Variants in NCAM2 observed in about 807,000 individuals in gnomAD.
NCAM2 encodes neural cell adhesion molecule 2, also known as N-CAM-2.
NCAM2 carries 30 observed loss-of-function variants against 98.1 expected under a neutral mutation model. The ratio of observed to expected loss-of-function variants is 0.31; its 90% CI spans 0.23 to 0.41. NCAM2 has a LOEUF of 0.41. Ranked by LOEUF, NCAM2 falls within the 10% of genes least tolerant of loss-of-function variation. The pLI, the probability that NCAM2 is intolerant of heterozygous loss-of-function variation, is 1.00. For missense variants in NCAM2, 867 were observed against 1,005.8 expected (o/e 0.86, Z 1.87); for synonymous variants, 368 against 342.4 (o/e 1.07, Z -0.83).
At chr21:21,242,270 G>T (rs1441761459) in intron 1 of NCAM2, among the ~76,000 whole-genome samples, 1 of 151,920 alleles carries the variant, frequency 6.6e-6, no homozygotes, top group Admixed American at 6.6e-5. Context: ...TGATATATGT[G>T]TACATAGTGG....
chr21:21,089,285 GA>G, intron 1 of NCAM2, among the ~76,000 whole-genome samples: 1 of 152,056 alleles, frequency 6.6e-6, no homozygotes, highest in African/African-American at 2.4e-5. Context: ...TTTTATTATT[GA>G]AAAATTTCAT....
At chr21:21,360,881 T>A (rs1048761302) in intron 8 of NCAM2, among the ~76,000 whole-genome samples, 6 of 152,002 alleles carry the variant, frequency 3.9e-5, no homozygotes, top group African/African-American at 1.4e-4. Context: ...CATCCTACCT[T>A]TTCTTGGTTC....
chr21:21,211,623 C>T lies in NCAM2; in HGVS notation c.56-68955C>T, dbSNP rs143292777. Among the ~76,000 whole-genome samples the T allele has an allele frequency of 3.6e-3, 542 of 152,200 alleles. 6 individuals carry two copies. Among genetic ancestry groups the T allele is most frequent in the African/African-American group, 0.012 (516 of 41,522 alleles). ...AACAAAACAAACAACACAACAACAA[C>T]AACAAAACAAAACAGAAAAACAGGG... On this transcript the variant is annotated intron_variant, in intron 1 of 17. Transcript: ENST00000400546.
chr21:21,146,546 G>GATATAT (rs201917811), intron 1 of NCAM2, among the ~76,000 whole-genome samples: 1,874 of 50,282 alleles, frequency 0.037, 55 homozygotes, highest in South Asian at 0.087. Flanking sequence ...ATACTTACAG[G>GATATAT]ATATATATAT....
intron 1 of NCAM2, among the ~76,000 whole-genome samples, chr21:21,080,237 A>G (rs1271146229): frequency 9.2e-5 from 14 of 152,164 alleles, no homozygotes; most frequent in Non-Finnish European, 1.8e-4. Flanking sequence ...TTTTTGTGTA[A>G]TGATTACATC....
intron 1 of NCAM2, among the ~76,000 whole-genome samples, chr21:21,189,074 G>A (rs546449093): frequency 6.4e-4 from 97 of 152,256 alleles, no homozygotes; most frequent in Middle Eastern, 3.4e-3. Context: ...AACCAAGAAA[G>A]CTTTAGCATT....
intron 1 of NCAM2, among the ~76,000 whole-genome samples, chr21:21,141,448 T>C (rs2067166443): frequency 6.6e-6 from 1 of 152,210 alleles, no homozygotes; most frequent in South Asian, 2.1e-4. Flanking sequence ...AATCCTCTTA[T>C]CAATGATATG....
intron 1 of NCAM2, among the ~76,000 whole-genome samples, chr21:21,100,765 A>G (rs1009106103): frequency 2.6e-5 from 4 of 151,932 alleles, no homozygotes; most frequent in African/African-American, 9.7e-5. Context: ...GACTTCTCCC[A>G]GTAATTTTGC....
chr21:21,085,377 C>T (rs1352169365), intron 1 of NCAM2, among the ~76,000 whole-genome samples: 3 of 152,254 alleles, frequency 2.0e-5, no homozygotes, highest in South Asian at 2.1e-4. Context: ...TGTCATGGAA[C>T]TTTGCCCTCT....
At chr21:21,347,396 A>C (rs1435668978) in intron 8 of NCAM2, among the ~76,000 whole-genome samples, 1 of 152,080 alleles carries the variant, frequency 6.6e-6, no homozygotes, top group African/African-American at 2.4e-5. Context: ...TGGACAAATC[A>C]CATTACCTGA....
chr21:21,369,276 C>A (rs906768704), intron 8 of NCAM2, among the ~76,000 whole-genome samples: 2 of 151,716 alleles, frequency 1.3e-5, no homozygotes, highest in Non-Finnish European at 2.9e-5. Flanking sequence ...ATGATTCATC[C>A]ATGTTGAAGC....
rs1240851622 is a variant in NCAM2, at chr21:21,538,225, G to C, written c.*268G>C. On this transcript the variant is annotated 3_prime_UTR_variant, in exon 18 of 18. Coordinates refer to ENST00000400546, the MANE Select transcript of NCAM2 (RefSeq NM_004540.5). ...ACTTTGGTATTCAATTTGATTCTAT[G>C]ACTGAAGTACTGGAATTTATTATGT... 3 of 226,810 alleles carry C rather than the reference G, an allele frequency of 1.3e-5. No individual in the cohort carries two copies. Among genetic ancestry groups the C allele is most frequent in the Non-Finnish European group, 1.7e-5 (2 of 116,720 alleles). 14.0% of individuals were successfully genotyped at this position (226,810 alleles called of 1,614,324 possible). A position where few individuals can be genotyped will look rare whatever the true frequency, so the allele number is the denominator to read the frequency against.
At chr21:21,537,495 A>T (rs1222227353) in intron 17 of NCAM2, among the ~76,000 whole-genome samples, 1 of 152,182 alleles carries the variant, frequency 6.6e-6, no homozygotes, top group Non-Finnish European at 1.5e-5. Flanking sequence ...TTTGGAGATC[A>T]ACAACTAGTT....
chr21:21,055,706 C>T (rs1474967599), intron 1 of NCAM2, among the ~76,000 whole-genome samples: 1 of 151,984 alleles, frequency 6.6e-6, no homozygotes. Context: ...TCAGGGACAC[C>T]CCACTTGAGA....
chr21:21,453,546 T>A (rs946143992), intron 12 of NCAM2, among the ~76,000 whole-genome samples: 17 of 152,038 alleles, frequency 1.1e-4, no homozygotes, highest in African/African-American at 3.9e-4. Context: ...GAAAGGAGTA[T>A]AGGAGAGGTC....
At chr21:21,107,056 T>G (rs887717841) in intron 1 of NCAM2, among the ~76,000 whole-genome samples, 25 of 152,100 alleles carry the variant, frequency 1.6e-4, no homozygotes, top group African/African-American at 6.0e-4. Flanking sequence ...AGTAAGAAAT[T>G]TCTGCTTTTC....
chr21:21,168,074 G>A lies in NCAM2; in HGVS notation c.56-112504G>A, dbSNP rs189770756. ...ATCCTCAACAAAATATTAGCAAATA[G>A]CATCCAACAATATATAAAAATATTT... On this transcript the variant is annotated intron_variant, in intron 1 of 17. Coordinates refer to ENST00000400546, the MANE Select transcript of NCAM2 (RefSeq NM_004540.5). Among the ~76,000 whole-genome samples, 11 of 152,082 alleles carry A rather than the reference G, an allele frequency of 7.2e-5. No individual in the cohort carries two copies. In the East Asian group the frequency reaches 1.5e-3, roughly 21 times the overall value.
intron 1 of NCAM2, among the ~76,000 whole-genome samples, chr21:21,204,066 A>G (rs1047705224): frequency 1.3e-5 from 2 of 152,140 alleles, no homozygotes; most frequent in Admixed American, 6.5e-5. Context: ...GAGTATCAAC[A>G]AGTGTCTTCT....
At chr21:21,258,989 A>G (rs530238786) in intron 1 of NCAM2, among the ~76,000 whole-genome samples, 1 of 152,274 alleles carries the variant, frequency 6.6e-6, no homozygotes, top group Non-Finnish European at 1.5e-5. Context: ...GGCCACGAAC[A>G]GATGTGGAGG....
Sources: allele counts gnomAD v4.1 joint callset (sites outside exome capture counted in the v4.1 genomes callset), GRCh38; gene constraint gnomAD v4.1.1; transcripts MANE v1.5; gene names NCBI Gene and HGNC (gene_info 2026-07-23, HGNC 2026-07-21).